The following SOX6 variants were observed in gnomAD, a reference collection of about 807,000 sequenced individuals.
The protein encoded by SOX6 is transcription factor SOX-6.
Under a neutral mutation model 97.8 loss-of-function variants are expected in SOX6, and 11 were observed. That is an observed-to-expected ratio of 0.11 (90% CI 0.07 to 0.19). The LOEUF is 0.19. Ranked by LOEUF, SOX6 falls within the 10% of genes least tolerant of loss-of-function variation. The pLI is 1.00. For missense variants in SOX6, 810 were observed against 1,039.5 expected (o/e 0.78, Z 3.04); for synonymous variants, 360 against 371.4 (o/e 0.97, Z 0.35).
chr11:16,621,324 G>A (rs1848542757), intron 3 of SOX6, among the ~76,000 whole-genome samples: 1 of 152,156 alleles, frequency 6.6e-6, no homozygotes, highest in Admixed American at 6.5e-5. Flanking sequence ...AAATGTATAG[G>A]TGTGGGTGCT....
intron 4 of SOX6, among the ~76,000 whole-genome samples, chr11:16,502,299 C>G (rs945495736): frequency 1.9e-4 from 29 of 152,088 alleles, no homozygotes; most frequent in African/African-American, 7.0e-4. Context: ...ACATCACACA[C>G]TGGGCCTGTT....
intron 15 of SOX6, among the ~76,000 whole-genome samples, chr11:15,982,905 C>G (rs1356934962): frequency 6.6e-6 from 1 of 151,914 alleles, no homozygotes. Context: ...TATTCGGTCA[C>G]AGTTCTTTGG....
Position 16,722,650 on chromosome 11 carries a change from CA to C in SOX6, n.354-7746del, listed in dbSNP as rs534286905. Among the ~76,000 whole-genome samples, 188 of 139,674 alleles carry C rather than the reference CA, an allele frequency of 1.3e-3. 1 individual carries two copies. Among genetic ancestry groups the C allele is most frequent in the Non-Finnish European group, 1.6e-3 (100 of 64,022 alleles). The allele number at this position is 139,674 out of a possible 152,430, so 91.6% of individuals were successfully genotyped here. ...TGGGCAACAAAGTGAAACTCTGTCT[CA>C]AAAAAAAAAGGCAAAGGACATGAAA... On this transcript the variant is annotated intron_variant and non_coding_transcript_variant, in intron 2 of 5. Coordinates refer to the SOX6 transcript ENST00000524520.
At chr11:16,329,127 G>A (rs1000203879) in intron 2 of SOX6, among the ~76,000 whole-genome samples, 2 of 152,040 alleles carry the variant, frequency 1.3e-5, no homozygotes, top group Admixed American at 1.3e-4. Context: ...ATTCATAGAT[G>A]TGTCAGAAAA....
intron 7 of SOX6, among the ~76,000 whole-genome samples, chr11:16,109,183 TTTTTA>T (rs201990190): frequency 6.6e-6 from 1 of 152,040 alleles, no homozygotes; most frequent in East Asian, 1.9e-4. Flanking sequence ...TTTCTTTTCT[TTTTTA>T]TTTTATTTTA....
chr11:16,132,394 GAAAGAAAAA>G lies in SOX6; in HGVS notation c.778-20480_778-20472del, dbSNP rs1159543037. ...AGAAAGAAAGAAAGAAAGAAAGAAA[GAAAGAAAAA>G]AGAAAGAAAGAAAGAAAGAAAGAAA... On this transcript the variant is annotated intron_variant, in intron 6 of 15. Transcript: ENST00000683767. 3.3e-3 allele frequency among the ~76,000 whole-genome samples: 210 copies of G among 63,750 alleles called. 12 individuals carry two copies. In the East Asian group the frequency reaches 0.04, roughly 12 times the overall value. 41.8% of individuals were successfully genotyped at this position (63,750 alleles called of 152,430 possible). A position where few individuals can be genotyped will look rare whatever the true frequency, so the allele number is the denominator to read the frequency against.
At chr11:16,093,846 TA>T (rs1488064013) in intron 9 of SOX6, among the ~76,000 whole-genome samples, 1 of 151,974 alleles carries the variant, frequency 6.6e-6, no homozygotes, top group African/African-American at 2.4e-5. Context: ...GCTCAAGATT[TA>T]AAACGTTACT....
chr11:16,482,818 A>T (rs1463989518), intron 4 of SOX6, among the ~76,000 whole-genome samples: 2 of 152,248 alleles, frequency 1.3e-5, no homozygotes, highest in Admixed American at 6.5e-5. Context: ...GTCAAGAGTT[A>T]ATAAAATTAA....
intron 9 of SOX6, among the ~76,000 whole-genome samples, chr11:16,083,101 T>A (rs568871494): frequency 3.3e-4 from 50 of 152,312 alleles, no homozygotes; most frequent in African/African-American, 1.2e-3. Context: ...CATCACCTTA[T>A]CCATGAAGAT....
rs1359758007 is a variant in SOX6, at chr11:16,610,762, C to G, written n.609+1319G>C. On this transcript the variant is annotated intron_variant and non_coding_transcript_variant, in intron 4 of 5. Coordinates refer to the SOX6 transcript ENST00000524520. The surrounding 1 kb of genome is among the most constrained non-coding windows in gnomAD (Gnocchi z 4.4). ...GCCATCTAAGGGTTTCCTCTAAAGC[C>G]TCGGGCGCTGGCTATACCAATGAAG... 1.3e-5 allele frequency among the ~76,000 whole-genome samples: 2 copies of G among 152,176 alleles called. No homozygotes were observed. Among genetic ancestry groups the G allele is most frequent in the Non-Finnish European group, 2.9e-5 (2 of 68,028 alleles).
chr11:16,415,071 G>A (rs959200140), intron 1 of SOX6, among the ~76,000 whole-genome samples: 3 of 151,998 alleles, frequency 2.0e-5, no homozygotes, highest in South Asian at 2.1e-4. Flanking sequence ...CAAGATACAT[G>A]TTCTTTTTTC....
chr11:16,061,018 A>G (rs1280267835), intron 9 of SOX6, among the ~76,000 whole-genome samples: 1 of 151,846 alleles, frequency 6.6e-6, no homozygotes, highest in Non-Finnish European at 1.5e-5. Flanking sequence ...AAGGAAAGAC[A>G]GCATCTATAA....
chr11:16,533,830 T>C (rs969137808), intron 4 of SOX6, among the ~76,000 whole-genome samples: 5 of 152,034 alleles, frequency 3.3e-5, no homozygotes, highest in African/African-American at 1.2e-4. Flanking sequence ...TTATAACCAA[T>C]AAGATATCAA....
chr11:16,381,946 A>C lies in SOX6; in HGVS notation c.-4-40694T>G, dbSNP rs181005519. On this transcript the variant is annotated intron_variant, in intron 1 of 15. Transcript: ENST00000396356. ...ATTTGTTAAGGTAGTGGGGAAAAAA[A>C]ACACACACATACAATAGATGTTCTA... Among the ~76,000 whole-genome samples the C allele has an allele frequency of 1.6e-3, 246 of 152,100 alleles. 4 individuals are homozygous for C. The highest frequency in any genetic ancestry group is 0.014 in the Admixed American group (207 of 15,248).
intron 1 of SOX6, among the ~76,000 whole-genome samples, chr11:16,385,528 T>G (rs991336646): frequency 6.6e-6 from 1 of 152,048 alleles, no homozygotes; most frequent in Non-Finnish European, 1.5e-5. Context: ...ATGTCTTATT[T>G]CCATCACTTA....
chr11:15,986,430 A>T lies in SOX6; in HGVS notation c.1967-10T>A. Reference sequence around the variant, plus strand: ...GATTTCCAGCGAGATCCTAGAAATAAAAATAGCCTTAAGTACCCAAGTGGT... The same window carrying T: ...GATTTCCAGCGAGATCCTAGAAATATAAATAGCCTTAAGTACCCAAGTGGT... On this transcript the variant is annotated splice_polypyrimidine_tract_variant and intron_variant, in intron 14 of 15. Transcript: ENST00000683767. 1 of 1,613,904 alleles carries T rather than the reference A, an allele frequency of 6.2e-7. No homozygotes were observed.
chr11:16,463,810 A>G (rs1022079401), intron 1 of SOX6, among the ~76,000 whole-genome samples: 2 of 152,200 alleles, frequency 1.3e-5, no homozygotes. Context: ...CAACCAATCC[A>G]CAACCTTCTT....
At chr11:16,349,155 T>C (rs1856842712) in intron 1 of SOX6, among the ~76,000 whole-genome samples, 1 of 152,174 alleles carries the variant, frequency 6.6e-6, no homozygotes, top group African/African-American at 2.4e-5. Flanking sequence ...ACAAACTGCA[T>C]TTTAAAAGCT....
intron 12 of SOX6, among the ~76,000 whole-genome samples, chr11:16,046,148 C>T (rs529515821): frequency 6.6e-6 from 1 of 152,148 alleles, no homozygotes; most frequent in Non-Finnish European, 1.5e-5. Context: ...GTCATGGTAA[C>T]ATATTAGTCT....
Sources: gnomAD v4.1 joint callset for allele counts (sites outside exome capture counted in the v4.1 genomes callset) on GRCh38, gnomAD v4.1.1 for gene constraint, Gnocchi (gnomAD v3.1) non-coding constraint, MANE v1.5 for transcripts, NCBI Gene and HGNC (gene_info 2026-07-23, HGNC 2026-07-21) for gene names.